The following GLI2 variants were observed in gnomAD, a reference collection of about 807,000 sequenced individuals.
GLI2 encodes transcription activator GLI2.
GLI2 carries 22 observed loss-of-function variants against 78.9 expected under a neutral mutation model. The observed-to-expected ratio is 0.28, with a 90% CI of 0.20 to 0.40. GLI2 has a LOEUF of 0.40. Among genes scored for constraint, GLI2 ranks in the 10% least tolerant of loss-of-function variants. The pLI is 1.00. For synonymous variants in GLI2, 974 were observed against 963.7 expected, an observed-to-expected ratio of 1.01 and a Z score of -0.20; for missense variants, 2,097 against 2,213.2, an observed-to-expected ratio of 0.95 and a Z score of 1.05.
chr2:120,888,100 C>T (rs1352049298), intron 2 of GLI2, among the ~76,000 whole-genome samples: 26 of 152,192 alleles, frequency 1.7e-4, no homozygotes, highest in Admixed American at 1.7e-3. Flanking sequence ...CCTGTTAAGC[C>T]CCTGCTCTGT....
At position 120,982,992 on chromosome 2, in the gene GLI2, G is replaced by A. The variant is rs553672389; in HGVS notation, c.1632+112G>A. 73 of 954,532 alleles carry A rather than the reference G, an allele frequency of 7.6e-5. No individual in the cohort carries two copies. The African/African-American group carries it at 8.0e-4, about 10-fold the overall frequency. 59.1% of individuals were successfully genotyped at this position (954,532 alleles called of 1,614,324 possible). On this transcript the variant is annotated intron_variant, in intron 11 of 13. Transcript: ENST00000361492. ...GCCAGGTGCCCCATGTCCCGCCCCC[G>A]CCACTGACCAGCTATACATCCTCAG...
chr2:120,913,868 C>T (rs1483787809), intron 2 of GLI2, among the ~76,000 whole-genome samples: 1 of 152,234 alleles, frequency 6.6e-6, no homozygotes, highest in Non-Finnish European at 1.5e-5. Context: ...GAAACCATCA[C>T]CAGGGCCTGG....
intron 1 of GLI2, among the ~76,000 whole-genome samples, chr2:120,787,637 C>G (rs1197526058): frequency 6.6e-6 from 1 of 152,210 alleles, no homozygotes; most frequent in Non-Finnish European, 1.5e-5. Context: ...ACTCAGGAAT[C>G]GCGCTTCAGG....
At chr2:120,850,644 C>T (rs1280609508) in intron 2 of GLI2, among the ~76,000 whole-genome samples, 1 of 152,160 alleles carries the variant, frequency 6.6e-6, no homozygotes, top group Non-Finnish European at 1.5e-5. Context: ...ATAGCAAGGC[C>T]GGGGCTGTGC....
chr2:120,973,463 G>T (rs1006256843), intron 8 of GLI2, among the ~76,000 whole-genome samples: 8 of 152,220 alleles, frequency 5.3e-5, no homozygotes, highest in Non-Finnish European at 1.2e-4. Context: ...TCAGTGCAAG[G>T]AAAGCTGTTT....
intron 2 of GLI2, among the ~76,000 whole-genome samples, chr2:120,848,351 C>T (rs1687225479): frequency 1.3e-5 from 2 of 152,196 alleles, no homozygotes; most frequent in South Asian, 2.1e-4. Flanking sequence ...CCTCACCCCT[C>T]ATCTTATCAC....
intron 2 of GLI2, among the ~76,000 whole-genome samples, chr2:120,924,984 G>A (rs912497334): frequency 2.6e-5 from 4 of 152,236 alleles, no homozygotes; most frequent in Admixed American, 1.3e-4. Context: ...AACAAATGGA[G>A]ACTCAGAGAG....
intron 1 of GLI2, among the ~76,000 whole-genome samples, chr2:120,768,063 C>G (rs2104653526): frequency 6.6e-6 from 1 of 152,292 alleles, no homozygotes; most frequent in South Asian, 2.1e-4. Flanking sequence ...CTCTTCTTCC[C>G]CAAACTATTT....
chr2:120,830,997 T>C (rs1686334244), intron 2 of GLI2, among the ~76,000 whole-genome samples: 1 of 134,964 alleles, frequency 7.4e-6, no homozygotes, highest in South Asian at 2.5e-4. Flanking sequence ...TTTTTTTTTT[T>C]GCCTGTTTGG....
rs1261967537 is a variant in GLI2, at chr2:120,800,790, G to A, written c.148+3322G>A. On this transcript the variant is annotated intron_variant, in intron 2 of 13. Transcript: ENST00000361492. This position sits in a 1 kb window ranked among gnomAD's most constrained non-coding sequence, Gnocchi z 4.1. ...CAAAGTGCCGGGATTACAGGTGTGA[G>A]CCACCGCACCCGGCCGAAAGGGATG... is the stretch of plus-strand genomic sequence containing the variant. 2.0e-5 allele frequency among the ~76,000 whole-genome samples: 3 copies of A among 152,198 alleles called. No individual in the cohort carries two copies. The highest frequency in any genetic ancestry group is 1.9e-4 in the East Asian group (1 of 5,180).
intron 2 of GLI2, among the ~76,000 whole-genome samples, chr2:120,901,073 T>G (rs927423877): frequency 1.3e-5 from 2 of 152,206 alleles, no homozygotes; most frequent in African/African-American, 4.8e-5. Flanking sequence ...TAAACAGCTT[T>G]TAAATGTGTA....
chr2:120,985,458 G>T (rs761378720), intron 12 of GLI2, among the ~76,000 whole-genome samples: 1 of 152,196 alleles, frequency 6.6e-6, no homozygotes, highest in African/African-American at 2.4e-5. Flanking sequence ...GGAGGCATGC[G>T]TCTAGGCTAC....
At chr2:120,817,245 C>T (rs996614857) in intron 2 of GLI2, among the ~76,000 whole-genome samples, 1 of 152,228 alleles carries the variant, frequency 6.6e-6, no homozygotes. Flanking sequence ...CAGGGAAGTG[C>T]GTAATGTCAG....
intron 1 of GLI2, among the ~76,000 whole-genome samples, chr2:120,784,163 T>C (rs1683926400): frequency 1.3e-5 from 2 of 152,218 alleles, no homozygotes; most frequent in Non-Finnish European, 2.9e-5. Flanking sequence ...ATGCCAACTG[T>C]GTGCCAGGGG....
intron 2 of GLI2, among the ~76,000 whole-genome samples, chr2:120,891,215 G>A (rs561943901): frequency 5.3e-5 from 8 of 152,290 alleles, no homozygotes; most frequent in African/African-American, 1.4e-4. Context: ...TGCACTGGGC[G>A]GGGTGTCTGG....
chr2:120,826,130 G>A (rs1031046633), intron 2 of GLI2, among the ~76,000 whole-genome samples: 1 of 152,230 alleles, frequency 6.6e-6, no homozygotes, highest in African/African-American at 2.4e-5. Flanking sequence ...CGGCTGGGTG[G>A]GGTGGGAGGG....
intron 3 of GLI2, among the ~76,000 whole-genome samples, chr2:120,930,373 G>A (rs1679891425): frequency 6.6e-6 from 1 of 152,236 alleles, no homozygotes; most frequent in Non-Finnish European, 1.5e-5. Context: ...AGGAACTGAA[G>A]CAGCACAGAG....
At chr2:120,981,128 G>A (rs1293376148) in intron 10 of GLI2, among the ~76,000 whole-genome samples, 1 of 152,182 alleles carries the variant, frequency 6.6e-6, no homozygotes, top group Non-Finnish European at 1.5e-5. Flanking sequence ...TGATCCCCCT[G>A]CCTCAGCCTC....
chr2:120,854,096 T>C (rs1687534109), intron 2 of GLI2, among the ~76,000 whole-genome samples: 1 of 152,132 alleles, frequency 6.6e-6, no homozygotes. Context: ...GCTCACATTC[T>C]GGTGGAAAAA....
Sources: allele counts gnomAD v4.1 joint callset (sites outside exome capture counted in the v4.1 genomes callset), GRCh38; gene constraint gnomAD v4.1.1; non-coding constraint Gnocchi (gnomAD v3.1); transcripts MANE v1.5; gene names NCBI Gene and HGNC (gene_info 2026-07-23, HGNC 2026-07-21).